DYRK4: variants seen among roughly 807,000 people sequenced by gnomAD.
The protein encoded by DYRK4 is dual specificity tyrosine-phosphorylation-regulated kinase 4.
Under a neutral mutation model 68.3 loss-of-function variants are expected in DYRK4, and 64 were observed. The ratio of observed to expected loss-of-function variants is 0.94; its 90% CI spans 0.77 to 1.15. The LOEUF is 1.15. Ranked by LOEUF, DYRK4 falls within the 50% of genes most tolerant of loss-of-function variation. DYRK4 has a pLI of 0.00. For synonymous variants in DYRK4, 274 were observed against 289.9 expected, an observed-to-expected ratio of 0.95 and a Z score of 0.56; for missense variants, 740 against 764.7, an observed-to-expected ratio of 0.97 and a Z score of 0.38.
At chr12:4,573,332 C>A in intron 2 of DYRK4, 1 of 1,287,464 alleles carries the variant, frequency 7.8e-7, no homozygotes, top group Non-Finnish European at 1.0e-6. Flanking sequence ...TTTCCTAGGG[C>A]CCCACTCTTT....
chr12:4,571,589 G>A lies in DYRK4; in HGVS notation c.132+3541G>A, dbSNP rs12313048. ...TTTATAGTTGGGTTTATATTTTGTC[G>A]TATTTTATTGTATTTTATTTTATTT... On this transcript the variant is annotated intron_variant, in intron 2 of 14. Transcript: ENST00000543431. 2.2e-3 allele frequency among the ~76,000 whole-genome samples: 339 copies of A among 151,846 alleles called. 3 individuals are homozygous for A. The highest frequency in any genetic ancestry group is 7.5e-3 in the African/African-American group (310 of 41,386).
At chr12:4,596,395 C>T (rs2137376155) in intron 7 of DYRK4, 110 bp downstream of exon 7, 1 of 1,550,526 alleles carries the variant, frequency 6.4e-7, no homozygotes, top group African/African-American at 1.4e-5. Context: ...TCCCTTTTGT[C>T]TTCCCTTTTC....
At chr12:4,576,665 T>C (rs1944792610) in intron 2 of DYRK4, among the ~76,000 whole-genome samples, 1 of 152,222 alleles carries the variant, frequency 6.6e-6, no homozygotes, top group Non-Finnish European at 1.5e-5. Context: ...TGCCACCTCC[T>C]TGCCAGCATT....
At chr12:4,595,202 G>T (rs906369078) in intron 6 of DYRK4, among the ~76,000 whole-genome samples, 1 of 152,202 alleles carries the variant, frequency 6.6e-6, no homozygotes, top group Non-Finnish European at 1.5e-5. Flanking sequence ...CAGGAAAGTT[G>T]TACGTGTTCA....
At chr12:4,605,176 C>A in intron 11 of DYRK4, 90 bp downstream of exon 11, 1 of 1,167,532 alleles carries the variant, frequency 8.6e-7, no homozygotes, top group Non-Finnish European at 1.2e-6. Flanking sequence ...AGGACCATGG[C>A]CTGCATACCT....
chr12:4,571,158 C>G (rs12578549), intron 2 of DYRK4, among the ~76,000 whole-genome samples: 2 of 152,190 alleles, frequency 1.3e-5, no homozygotes, highest in Non-Finnish European at 2.9e-5. Flanking sequence ...GGAAGAGAAC[C>G]TGGGAGAGAG....
rs575068851 is a variant in DYRK4, at chr12:4,602,415, G to A, written c.1127-2499G>A. 1.8e-5 allele frequency: 17 copies of A among 965,380 alleles called. No individual in the cohort carries two copies. In the East Asian group the frequency reaches 3.6e-4, roughly 20 times the overall value. 59.8% of individuals were successfully genotyped at this position (965,380 alleles called of 1,614,324 possible). A position where few individuals can be genotyped will look rare whatever the true frequency, so the allele number is the denominator to read the frequency against. ...TCAAGGGGAAAGACAGTATGTTGAG[G>A]TCACTGATGAGATATGTGCAGACTG... On this transcript the variant is annotated intron_variant, in intron 10 of 14. Coordinates refer to ENST00000543431, the MANE Select transcript of DYRK4 (RefSeq NM_001394779.1).
intron 2 of DYRK4, chr12:4,580,766 A>T: frequency 4.4e-6 from 2 of 451,482 alleles, no homozygotes; most frequent in Non-Finnish European, 8.9e-6. Flanking sequence ...GCTGAGCTTC[A>T]TTTGCCCATC....
chr12:4,595,923 C>A (rs528519614), intron 6 of DYRK4, among the ~76,000 whole-genome samples: 1 of 152,328 alleles, frequency 6.6e-6, no homozygotes, highest in South Asian at 2.1e-4. Flanking sequence ...ATGGATCAAG[C>A]CTGTGGGACT....
chr12:4,607,779 G>C (rs1363510624), intron 12 of DYRK4, among the ~76,000 whole-genome samples: 1 of 152,218 alleles, frequency 6.6e-6, no homozygotes, highest in Non-Finnish European at 1.5e-5. Flanking sequence ...TTCATTTCAA[G>C]AATAGTGGAA....
intron 2 of DYRK4, chr12:4,572,806 T>C (rs1021569113): frequency 1.3e-5 from 2 of 157,320 alleles, no homozygotes; most frequent in Non-Finnish European, 2.8e-5. Flanking sequence ...CCGATAAGTA[T>C]TGGTTGCTTT....
Position 4,613,699 on chromosome 12 carries a change from A to T in DYRK4, c.1851A>T (p.Gly617=). The change falls in exon 15 of 15, where the codon GGA becomes GGT. Residue 617 remains glycine (G), a synonymous_variant. Transcript: ENST00000543431. This position sits in a 1 kb window ranked among gnomAD's most constrained non-coding sequence, Gnocchi z 4.0. ...VGAEVSMTSP[G]QSKNFSLKNT... ...CGGAGGTGTCCATGACCTCCCCAGG[A>T]CAGAGCAAAAACTTCTCCCTCAAGA... 1 of 1,592,466 alleles carries T rather than the reference A, an allele frequency of 6.3e-7. No individual in the cohort carries two copies. Among genetic ancestry groups the T allele is most frequent in the Non-Finnish European group, 8.6e-7 (1 of 1,163,182 alleles).
intron 13 of DYRK4, 33 bp from the exon 14 acceptor site, chr12:4,612,505 TAAAAC>T (rs1945233769): frequency 6.4e-7 from 1 of 1,570,130 alleles, no homozygotes; most frequent in African/African-American, 1.4e-5. Context: ...TAAAAGGAAA[TAAAAC>T]AATAACCCAT....
At chr12:4,580,993 G>A (rs147371311) in intron 2 of DYRK4, 13 of 401,980 alleles carry the variant, frequency 3.2e-5, no homozygotes, top group East Asian at 1.4e-4. Context: ...GACATCCAGC[G>A]TTCGGTCCAA....
intron 10 of DYRK4, chr12:4,603,204 G>A (rs562369393): frequency 2.7e-5 from 31 of 1,148,254 alleles, no homozygotes; most frequent in Non-Finnish European, 3.9e-5. Context: ...ACCTCATCCT[G>A]CAAAGATTTG....
rs568378792 is a variant in DYRK4 at position 4,589,690 on chromosome 12, T to C, written c.214-640T>C. On this transcript the variant is annotated intron_variant, in intron 3 of 14. Transcript: ENST00000543431. ...TTTTTTATGACTGAATAGTATTCCA[T>C]TGTGTTTAAGTATCACATTTTCTTT... 1.2e-4 allele frequency among the ~76,000 whole-genome samples: 18 copies of C among 152,372 alleles called. No homozygotes were observed. In the South Asian group the frequency reaches 3.7e-3, roughly 32 times the overall value.
chr12:4,606,044 G>T (rs1014012221), intron 11 of DYRK4, among the ~76,000 whole-genome samples: 1 of 152,118 alleles, frequency 6.6e-6, no homozygotes, highest in Non-Finnish European at 1.5e-5. Flanking sequence ...TATTGTTCAG[G>T]CATTAGTCAT....
chr12:4,612,974 TC>T (rs1188314319), intron 14 of DYRK4: 10 of 410,142 alleles, frequency 2.4e-5, no homozygotes, highest in Admixed American at 4.1e-5. Flanking sequence ...TTTGGGATTT[TC>T]CTTTTCAGGG....
intron 1 of DYRK4, 67 bp from the exon 2 acceptor site, chr12:4,567,888 G>C (rs1267034285): frequency 7.5e-7 from 1 of 1,326,558 alleles, no homozygotes; most frequent in Admixed American, 2.0e-5. Flanking sequence ...TTCTGTCCCT[G>C]AGTGTGTGGG....
Sources: gnomAD v4.1 joint callset for allele counts (sites outside exome capture counted in the v4.1 genomes callset) on GRCh38, gnomAD v4.1.1 for gene constraint, Gnocchi (gnomAD v3.1) non-coding constraint, MANE v1.5 for transcripts, NCBI Gene and HGNC (gene_info 2026-07-23, HGNC 2026-07-21) for gene names.